WDR72: variants seen among roughly 807,000 people sequenced by gnomAD.
WDR72 encodes the protein WD repeat-containing protein 72.
WDR72 carries 120 observed loss-of-function variants against 124.2 expected under a neutral mutation model. That is an observed-to-expected ratio of 0.97 (90% CI 0.83 to 1.12). WDR72 has a LOEUF of 1.12. Among genes scored for constraint, WDR72 ranks in the 50% most tolerant of loss-of-function variants. WDR72 has a pLI of 0.00. For synonymous variants in WDR72, 452 were observed against 441.7 expected (o/e 1.02, Z -0.29); for missense variants, 1,387 against 1,278.8 (o/e 1.08, Z -1.29).
At chr15:53,589,288 T>C (rs2012376640) in intron 18 of WDR72, among the ~76,000 whole-genome samples, 1 of 73,722 alleles carries the variant, frequency 1.4e-5, no homozygotes, top group Non-Finnish European at 3.4e-5. Flanking sequence ...GAATTTCAGT[T>C]TGTATTCACG....
chr15:53,577,086 T>C (rs2011655214), intron 18 of WDR72, among the ~76,000 whole-genome samples: 1 of 152,170 alleles, frequency 6.6e-6, no homozygotes. Flanking sequence ...AAGACTAGGA[T>C]GCTGTTAGGA....
chr15:53,688,846 G>C (rs868146626), intron 13 of WDR72, among the ~76,000 whole-genome samples: 2 of 151,846 alleles, frequency 1.3e-5, no homozygotes, highest in East Asian at 3.9e-4. Flanking sequence ...AAAACAGCAT[G>C]GTACTGGTAC....
chr15:53,590,766 T>C (rs1207999341), intron 18 of WDR72, among the ~76,000 whole-genome samples: 1 of 152,070 alleles, frequency 6.6e-6, no homozygotes, highest in African/African-American at 2.4e-5. Context: ...AAAGTGGATA[T>C]AACAATATTA....
chr15:53,759,231 T>C (rs957006730), intron 1 of WDR72: 1 of 152,276 alleles, frequency 6.6e-6, no homozygotes, highest in East Asian at 1.9e-4. Context: ...ATTCAATCGA[T>C]TCCGTTCCAT....
chr15:53,551,985 A>C (rs12442851), intron 18 of WDR72, among the ~76,000 whole-genome samples: 34,404 of 151,978 alleles, frequency 0.23, 3,946 homozygotes, highest in African/African-American at 0.26. Context: ...TGGGAAAGGG[A>C]GGAATTGAAG....
chr15:53,741,849 T>C (rs1314557669), intron 1 of WDR72, among the ~76,000 whole-genome samples: 1 of 152,040 alleles, frequency 6.6e-6, no homozygotes, highest in African/African-American at 2.4e-5. Flanking sequence ...TGTCTCAGCC[T>C]CCCGAGTAGC....
At chr15:53,756,899 G>C (rs1202008011) in intron 1 of WDR72, 1 of 152,216 alleles carries the variant, frequency 6.6e-6, no homozygotes, top group Non-Finnish European at 1.5e-5. Flanking sequence ...GGGCAGAGGT[G>C]GTGGTCAGCA....
chr15:53,659,706 A>G (rs558876441), intron 14 of WDR72, among the ~76,000 whole-genome samples: 120 of 152,058 alleles, frequency 7.9e-4, no homozygotes, highest in Non-Finnish European at 1.0e-3. Context: ...CAGTTATAAA[A>G]AAAAAAAAGG....
At chr15:53,634,943 C>A (rs190642293) in intron 14 of WDR72, among the ~76,000 whole-genome samples, 1 of 152,272 alleles carries the variant, frequency 6.6e-6, no homozygotes, top group Non-Finnish European at 1.5e-5. Flanking sequence ...CAGGGAGGTC[C>A]AGAGTGGACC....
At chr15:53,631,225 G>C (rs2014415457) in intron 14 of WDR72, among the ~76,000 whole-genome samples, 1 of 152,086 alleles carries the variant, frequency 6.6e-6, no homozygotes, top group Non-Finnish European at 1.5e-5. Flanking sequence ...CGTATAAAAA[G>C]TGTGTGGCAT....
intron 2 of WDR72, among the ~76,000 whole-genome samples, chr15:53,731,718 C>A (rs888219988): frequency 6.6e-6 from 1 of 151,832 alleles, no homozygotes; most frequent in Non-Finnish European, 1.5e-5. Flanking sequence ...GCCACAGTAG[C>A]CAGTTTTTTT....
rs143518560 is a variant in WDR72, at chr15:53,549,639, G to C, written c.3149-26317C>G. On this transcript the variant is annotated intron_variant, in intron 18 of 19. Coordinates refer to ENST00000360509, the MANE Select transcript of WDR72 (RefSeq NM_182758.4). Reference sequence around the variant, plus strand: ...AAGATGAGTAACAGACTGACAAAGGGAGATCACTAAAGGAACATTTCAATG... The same window carrying C: ...AAGATGAGTAACAGACTGACAAAGGCAGATCACTAAAGGAACATTTCAATG... Among the ~76,000 whole-genome samples, 79 of 152,136 alleles carry C rather than the reference G, an allele frequency of 5.2e-4. 1 individual carries two copies. The East Asian group carries it at 0.014, about 28-fold the overall frequency.
At chr15:53,562,278 C>T (rs896098243) in intron 18 of WDR72, among the ~76,000 whole-genome samples, 4 of 151,748 alleles carry the variant, frequency 2.6e-5, no homozygotes, top group South Asian at 2.1e-4. Context: ...ATTCTTGCAG[C>T]TTTTTTCCAA....
At chr15:53,665,468 CTT>C in intron 14 of WDR72, 102 bp downstream of exon 14, 1 of 1,312,466 alleles carries the variant, frequency 7.6e-7, no homozygotes, top group African/African-American at 1.4e-5. Flanking sequence ...TCTCTTAGTT[CTT>C]GTTTTCATGC....
At chr15:53,668,436 G>C (rs2015853281) in intron 13 of WDR72, among the ~76,000 whole-genome samples, 1 of 152,158 alleles carries the variant, frequency 6.6e-6, no homozygotes, top group Admixed American at 6.5e-5. Flanking sequence ...CAGTGGATGG[G>C]TATTCCCACA....
intron 4 of WDR72, 23 bp downstream of exon 4, chr15:53,716,584 C>A (rs2017714493): frequency 4.0e-6 from 6 of 1,511,666 alleles, no homozygotes; most frequent in Non-Finnish European, 5.5e-6. Context: ...TAGAAATGCC[C>A]TGAAGGAAGT....
chr15:53,666,379 G>C (rs1002322124), intron 13 of WDR72, among the ~76,000 whole-genome samples: 2 of 151,908 alleles, frequency 1.3e-5, no homozygotes, highest in Non-Finnish European at 1.5e-5. Context: ...TCCAGTTTCA[G>C]AATTTAGGAG....
At chr15:53,593,497 C>A in intron 18 of WDR72, among the ~76,000 whole-genome samples, 1 of 151,848 alleles carries the variant, frequency 6.6e-6, no homozygotes, top group East Asian at 1.9e-4. Context: ...AGATGTATAC[C>A]ACTGGTGGCA....
intron 12 of WDR72, 45 bp downstream of exon 12, chr15:53,702,089 A>G (rs1420331732): frequency 1.4e-6 from 2 of 1,423,702 alleles, no homozygotes; most frequent in East Asian, 4.7e-5. Context: ...TCTATAATTT[A>G]TATAATTTTC....
Sources: gnomAD v4.1 joint callset for allele counts (sites outside exome capture counted in the v4.1 genomes callset) on GRCh38, gnomAD v4.1.1 for gene constraint, MANE v1.5 for transcripts, NCBI Gene and HGNC (gene_info 2026-07-23, HGNC 2026-07-21) for gene names.